AFAP1L2: variants seen among roughly 807,000 people sequenced by gnomAD.
The protein encoded by AFAP1L2 is actin filament associated protein 1 like 2.
In AFAP1L2, 46 loss-of-function variants were observed where a neutral mutation model predicts 99.3. The observed-to-expected ratio is 0.46, with a 90% CI of 0.37 to 0.59. The LOEUF (loss-of-function observed/expected upper bound fraction) is 0.59, where lower values mean the gene tolerates loss of function less well. Ranked by LOEUF, AFAP1L2 falls within the 20% of genes least tolerant of loss-of-function variation. The probability of loss-of-function intolerance (pLI) is 0.00; values close to 1 mark genes in which losing one functional copy is unlikely to be tolerated. For synonymous variants in AFAP1L2, 397 were observed against 419.1 expected, an observed-to-expected ratio of 0.95 and a Z score of 0.64; for missense variants, 959 against 1,034.9, an observed-to-expected ratio of 0.93 and a Z score of 1.01.
intron 4 of AFAP1L2, among the ~76,000 whole-genome samples, chr10:114,330,922 C>T (rs1043763961): frequency 6.6e-6 from 1 of 152,106 alleles, no homozygotes; most frequent in Non-Finnish European, 1.5e-5. Context: ...AACCCAGGTG[C>T]AGATGGGGGA....
intron 6 of AFAP1L2, 38 bp downstream of exon 6, chr10:114,315,522 G>C (rs768734394): frequency 2.5e-6 from 4 of 1,601,402 alleles, no homozygotes; most frequent in Non-Finnish European, 3.4e-6. Flanking sequence ...TCCCCAAGGA[G>C]AGGAGTCGGG....
rs774348054 is a variant in AFAP1L2, at chr10:114,315,685, A to G, written c.487T>C (p.Trp163Arg). The G allele has an allele frequency of 6.2e-7, 1 of 1,613,836 alleles. No homozygotes were observed. Among genetic ancestry groups the G allele is most frequent in the Non-Finnish European group, 8.5e-7 (1 of 1,179,992 alleles). The change falls in exon 6 of 19, where the codon TGG becomes CGG. Residue 163 changes from tryptophan to arginine, a missense_variant. Physicochemically the swap from Trp to Arg is moderately radical, Grantham distance 101. Around this residue, in one of 2 missense-constraint regions of AFAP1L2, gnomAD observed 383 missense variants for 472.8 expected, o/e 0.81. Coordinates refer to ENST00000304129, the MANE Select transcript of AFAP1L2 (RefSeq NM_001001936.3). ...GSKGKSAPYQ[W>R]PSPEAGIELM... The stretch of plus-strand genomic sequence containing the variant: ...TCGATGCCGGCCTCCGGCGAGGGCC[A>G]CTGGTAAGGGGCCGACTTGCCCTTG...
chr10:114,381,584 C>T (rs1024423104), intron 1 of AFAP1L2, among the ~76,000 whole-genome samples: 3 of 151,724 alleles, frequency 2.0e-5, no homozygotes, highest in Non-Finnish European at 4.4e-5. Flanking sequence ...TTTAAAAACA[C>T]AAAGAAAACA....
intron 1 of AFAP1L2, among the ~76,000 whole-genome samples, chr10:114,394,704 G>A (rs1026879680): frequency 1.5e-4 from 23 of 152,160 alleles, no homozygotes; most frequent in Non-Finnish European, 2.1e-4. Context: ...TCCAAGAGGC[G>A]TCCTGAAGCA....
At chr10:114,395,443 C>T (rs1044605482) in intron 1 of AFAP1L2, among the ~76,000 whole-genome samples, 3 of 152,198 alleles carry the variant, frequency 2.0e-5, no homozygotes, top group African/African-American at 4.8e-5. Context: ...AAAAGGACCA[C>T]ATTTGAATTT....
chr10:114,317,870 G>A (rs546002076), intron 5 of AFAP1L2, among the ~76,000 whole-genome samples: 8 of 152,320 alleles, frequency 5.3e-5, no homozygotes, highest in South Asian at 2.1e-4. Flanking sequence ...AAAAAAGGGC[G>A]GGAGTGGGAA....
intron 2 of AFAP1L2, among the ~76,000 whole-genome samples, chr10:114,338,722 C>T (rs2048341329): frequency 6.6e-6 from 1 of 152,214 alleles, no homozygotes; most frequent in African/African-American, 2.4e-5. Context: ...GCAATATCAA[C>T]CAGCACAATG....
chr10:114,353,983 G>A (rs1029112464), intron 1 of AFAP1L2, among the ~76,000 whole-genome samples: 1 of 152,190 alleles, frequency 6.6e-6, no homozygotes, highest in African/African-American at 2.4e-5. Context: ...TTTCAAGATT[G>A]TGGAGCCCTC....
At chr10:114,368,654 A>G (rs76031579) in intron 1 of AFAP1L2, among the ~76,000 whole-genome samples, 3,065 of 152,078 alleles carry the variant, frequency 0.02, 227 homozygotes, top group East Asian at 0.15. Flanking sequence ...AACTCAAGCA[A>G]TCCACCCTCC....
chr10:114,342,017 T>A (rs1021268696), intron 1 of AFAP1L2, among the ~76,000 whole-genome samples: 1 of 152,186 alleles, frequency 6.6e-6, no homozygotes, highest in Non-Finnish European at 1.5e-5. Context: ...GCTACGTGGG[T>A]GACCTGAGAA....
chr10:114,388,837 C>A (rs2056817808), intron 1 of AFAP1L2, among the ~76,000 whole-genome samples: 1 of 152,128 alleles, frequency 6.6e-6, no homozygotes, highest in Non-Finnish European at 1.5e-5. Context: ...CTTAAGATAT[C>A]AATATCCCAA....
chr10:114,322,659 G>A (rs533394036), intron 5 of AFAP1L2, among the ~76,000 whole-genome samples: 1 of 152,280 alleles, frequency 6.6e-6, no homozygotes, highest in South Asian at 2.1e-4. Flanking sequence ...CTGTTTATTT[G>A]TTGTCTGTTT....
chr10:114,295,447 C>T lies in AFAP1L2; in HGVS notation c.*595G>A. 3.0e-6 allele frequency: 3 copies of T among 985,554 alleles called. No individual in the cohort carries two copies. Among genetic ancestry groups the T allele is most frequent in the Non-Finnish European group, 3.6e-6 (3 of 829,912 alleles). The allele number at this position is 985,554 out of a possible 1,614,324, so 61.1% of individuals were successfully genotyped here. A position where few individuals can be genotyped will look rare whatever the true frequency, so the allele number is the denominator to read the frequency against. Reference sequence around the variant, plus strand: ...CTTCAGCTTGGTCCCAAATATTTTCCCCATTATTGTTTCTCAAAACTCATG... The same window carrying T: ...CTTCAGCTTGGTCCCAAATATTTTCTCCATTATTGTTTCTCAAAACTCATG... On this transcript the variant is annotated 3_prime_UTR_variant, in exon 19 of 19. Coordinates refer to ENST00000304129, the MANE Select transcript of AFAP1L2 (RefSeq NM_001001936.3).
chr10:114,305,498 CAGG>C (rs1342527093), intron 10 of AFAP1L2, among the ~76,000 whole-genome samples: 29 of 78,838 alleles, frequency 3.7e-4, no homozygotes, highest in Non-Finnish European at 6.6e-4. Flanking sequence ...GACGGGGCTG[CAGG>C]AGGAGATGCA....
chr10:114,304,797 C>A lies in AFAP1L2; in HGVS notation c.1206G>T (p.Glu402Asp), dbSNP rs142000900. The change falls in exon 11 of 19, where the codon GAG becomes GAT. Residue 402 changes from glutamate to aspartate, a missense_variant. This residue lies in a region of AFAP1L2 where 576 missense variants were observed against 562.1 expected (regional missense o/e 1.02). Coordinates refer to ENST00000304129, the MANE Select transcript of AFAP1L2 (RefSeq NM_001001936.3). ...GGTCGGGGCTGGGGTCTGGGACCAC[C>A]TCGCAGCCCACCAGGCTGAGGGGTT... ...AQQPLSLVGC[E>D]VVPDPSPDHL... 168 of 1,613,076 alleles carry A rather than the reference C, an allele frequency of 1.0e-4. No individual in the cohort carries two copies. The highest frequency in any genetic ancestry group is 1.6e-4 in the Middle Eastern group (1 of 6,082).
At chr10:114,304,971 A>T in intron 10 of AFAP1L2, 41 bp from the exon 11 acceptor site, 1 of 1,100,974 alleles carries the variant, frequency 9.1e-7, no homozygotes, top group Non-Finnish European at 1.2e-6. Context: ...ACAGGGCTGC[A>T]GGAGGGGACG....
At chr10:114,398,161 T>C (rs998604198) in intron 1 of AFAP1L2, among the ~76,000 whole-genome samples, 2 of 152,170 alleles carry the variant, frequency 1.3e-5, no homozygotes, top group Admixed American at 6.5e-5. Context: ...CTGGGGAGAA[T>C]ATGAGAGTCG....
intron 1 of AFAP1L2, among the ~76,000 whole-genome samples, chr10:114,365,199 AGGTATGGACATTGTTCTCTTCT>A (rs1290230157): frequency 6.6e-6 from 1 of 152,112 alleles, no homozygotes; most frequent in Non-Finnish European, 1.5e-5. Flanking sequence ...AGAAGTGTCT[AGGTATGGACATTGTTCTCTTCT>A]GGTATGGACA....
intron 3 of AFAP1L2, among the ~76,000 whole-genome samples, chr10:114,332,478 C>A (rs776122415): frequency 5.3e-5 from 8 of 152,234 alleles, no homozygotes; most frequent in Non-Finnish European, 1.2e-4. Flanking sequence ...GGCCCGATAT[C>A]GGGGATTTGG....
Sources: gnomAD v4.1 joint callset for allele counts (sites outside exome capture counted in the v4.1 genomes callset) on GRCh38, gnomAD v4.1.1 for gene constraint, gnomAD v4.1.1 regional missense constraint, MANE v1.5 for transcripts, NCBI Gene and HGNC (gene_info 2026-07-23, HGNC 2026-07-21) for gene names.